Variants in DGKB observed in about 807,000 individuals in gnomAD.
DGKB encodes the protein 90 kDa diacylglycerol kinase.
In DGKB, 67 loss-of-function variants were observed where a neutral mutation model predicts 114.3. The observed-to-expected ratio is 0.59, with a 90% confidence interval of 0.48 to 0.72. DGKB has a LOEUF of 0.72. Among genes scored for constraint, DGKB ranks in the 30% least tolerant of loss-of-function variants. The pLI, the probability that DGKB is intolerant of heterozygous loss-of-function variation, is 0.00. For missense variants in DGKB, 907 were observed against 975.2 expected (o/e 0.93, Z 0.93); for synonymous variants, 398 against 323.1 (o/e 1.23, Z -2.49).
At chr7:14,172,234 C>T (rs1781110957) in intron 25 of DGKB, among the ~76,000 whole-genome samples, 1 of 151,374 alleles carries the variant, frequency 6.6e-6, no homozygotes, top group South Asian at 2.1e-4. Flanking sequence ...ACTCAAACCA[C>T]ATTTTATCAG....
chr7:14,240,900 T>G (rs1793540937), intron 23 of DGKB, among the ~76,000 whole-genome samples: 1 of 152,088 alleles, frequency 6.6e-6, no homozygotes, highest in African/African-American at 2.4e-5. Context: ...CTTATTGAAT[T>G]TGTAGAATCT....
intron 20 of DGKB, among the ~76,000 whole-genome samples, chr7:14,523,099 A>G (rs1457047255): frequency 6.6e-6 from 1 of 152,194 alleles, no homozygotes; most frequent in Non-Finnish European, 1.5e-5. Flanking sequence ...AATATTAATA[A>G]CAGGAAGCTG....
intron 1 of DGKB, among the ~76,000 whole-genome samples, chr7:14,895,217 T>A (rs781197821): frequency 2.0e-5 from 3 of 151,656 alleles, no homozygotes; most frequent in Non-Finnish European, 4.4e-5. Context: ...GTGGGAGTTA[T>A]GTTTTTGACT....
At chr7:14,824,381 T>C (rs1156400378) in intron 2 of DGKB, among the ~76,000 whole-genome samples, 1 of 152,130 alleles carries the variant, frequency 6.6e-6, no homozygotes, top group Non-Finnish European at 1.5e-5. Context: ...GCTTTAGAAT[T>C]GGGTAAGGAC....
intron 21 of DGKB, among the ~76,000 whole-genome samples, chr7:14,401,882 T>C (rs1471779700): frequency 6.6e-6 from 1 of 151,692 alleles, no homozygotes; most frequent in African/African-American, 2.4e-5. Flanking sequence ...TTTATTCCTT[T>C]ATGTATGATA....
At chr7:14,199,993 T>C (rs1785591811) in intron 23 of DGKB, among the ~76,000 whole-genome samples, 1 of 152,018 alleles carries the variant, frequency 6.6e-6, no homozygotes, top group African/African-American at 2.4e-5. Flanking sequence ...TTTACTACAA[T>C]AATTGACAAG....
intron 23 of DGKB, among the ~76,000 whole-genome samples, chr7:14,325,139 C>A (rs1413795515): frequency 6.6e-6 from 1 of 152,116 alleles, no homozygotes; most frequent in Non-Finnish European, 1.5e-5. Flanking sequence ...TCCCTTACAG[C>A]CACTTAGAGA....
At chr7:14,318,842 G>T (rs1209605764) in intron 23 of DGKB, among the ~76,000 whole-genome samples, 1 of 152,148 alleles carries the variant, frequency 6.6e-6, no homozygotes, top group African/African-American at 2.4e-5. Flanking sequence ...GCACACGTAT[G>T]TTTATTGCGG....
intron 5 of DGKB, among the ~76,000 whole-genome samples, chr7:14,721,855 TTAA>T (rs1415712535): frequency 3.3e-5 from 5 of 152,078 alleles, no homozygotes; most frequent in African/African-American, 1.2e-4. Flanking sequence ...ACTTAATTCT[TTAA>T]AACTATTCTT....
intron 12 of DGKB, among the ~76,000 whole-genome samples, chr7:14,682,178 C>T (rs75478172): frequency 2.6e-3 from 402 of 152,094 alleles, no homozygotes; most frequent in African/African-American, 9.5e-3. Flanking sequence ...ACCAGAAAAC[C>T]CTTATTAAAC....
chr7:14,612,152 C>CTTATTTTATT (rs1392275749), intron 16 of DGKB, among the ~76,000 whole-genome samples: 1 of 92,710 alleles, frequency 1.1e-5, no homozygotes, highest in Non-Finnish European at 2.7e-5. Context: ...AAATCTTATA[C>CTTATTTTATT]TCATTTTATT....
intron 6 of DGKB, among the ~76,000 whole-genome samples, chr7:14,718,242 G>A (rs915394179): frequency 1.3e-5 from 2 of 151,986 alleles, no homozygotes; most frequent in Admixed American, 6.6e-5. Flanking sequence ...ACAACACAAA[G>A]GCTATTTTCT....
chr7:14,679,559 T>A (rs1294447473), intron 12 of DGKB, among the ~76,000 whole-genome samples: 1 of 152,072 alleles, frequency 6.6e-6, no homozygotes, highest in East Asian at 1.9e-4. Context: ...GCATCATTCT[T>A]TCTGTTTCTC....
chr7:14,539,475 A>C (rs1793065515), intron 20 of DGKB, among the ~76,000 whole-genome samples: 1 of 152,172 alleles, frequency 6.6e-6, no homozygotes, highest in African/African-American at 2.4e-5. Flanking sequence ...ATAACTTCAT[A>C]AATTTACTAA....
intron 5 of DGKB, among the ~76,000 whole-genome samples, chr7:14,721,315 A>T (rs1829127647): frequency 6.6e-6 from 1 of 152,244 alleles, no homozygotes. Flanking sequence ...CGTAAGGATC[A>T]CATAATTTTG....
intron 23 of DGKB, among the ~76,000 whole-genome samples, chr7:14,217,389 G>C (rs926090908): frequency 2.6e-5 from 4 of 151,964 alleles, no homozygotes; most frequent in African/African-American, 9.7e-5. Flanking sequence ...TCTGAAGCCA[G>C]TACCTTATTC....
At position 14,147,769 on chromosome 7, in the gene DGKB, G is replaced by A. The variant is rs1202204878; in HGVS notation, c.*1362C>T. 2 of 152,534 alleles carry A rather than the reference G, an allele frequency of 1.3e-5. No homozygotes were observed. The highest frequency in any genetic ancestry group is 2.9e-5 in the Non-Finnish European group (2 of 67,986). 9.4% of individuals were successfully genotyped at this position (152,534 alleles called of 1,614,324 possible). On this transcript the variant is annotated 3_prime_UTR_variant, in exon 26 of 26. Coordinates refer to ENST00000402815, the MANE Select transcript of DGKB (RefSeq NM_001350709.2). ...ATGAACAATATTACAAGACTGCTCA[G>A]AAGCATTTCATTTTACATCATAGGC...
At chr7:14,842,140 G>T (rs889819562) in intron 1 of DGKB, among the ~76,000 whole-genome samples, 1 of 152,174 alleles carries the variant, frequency 6.6e-6, no homozygotes, top group South Asian at 2.1e-4. Flanking sequence ...TCAATAATCA[G>T]CCAGATTGGC....
intron 20 of DGKB, among the ~76,000 whole-genome samples, chr7:14,535,367 T>C (rs1792271556): frequency 8.4e-6 from 1 of 119,592 alleles, no homozygotes; most frequent in Admixed American, 9.3e-5. Context: ...AGGCCCTGTC[T>C]CTTAAAAAAA....
Sources: gnomAD v4.1 joint callset for allele counts (sites outside exome capture counted in the v4.1 genomes callset) on GRCh38, gnomAD v4.1.1 for gene constraint, MANE v1.5 for transcripts, NCBI Gene and HGNC (gene_info 2026-07-23, HGNC 2026-07-21) for gene names.